The following KCNT1 variants were observed in gnomAD, a reference collection of about 807,000 sequenced individuals.
KCNT1 encodes potassium sodium-activated channel subfamily T member 1.
Under a neutral mutation model 147.8 loss-of-function variants are expected in KCNT1, and 78 were observed. The ratio of observed to expected loss-of-function variants is 0.53; its 90% confidence interval spans 0.44 to 0.64. The LOEUF is 0.64. Ranked by LOEUF, KCNT1 falls within the 30% of genes least tolerant of loss-of-function variation. The pLI, the probability that KCNT1 is intolerant of heterozygous loss-of-function variation, is 0.00. For synonymous variants in KCNT1, 867 were observed against 748.8 expected, an observed-to-expected ratio of 1.16 and a Z score of -2.58; for missense variants, 1,419 against 1,750.3, an observed-to-expected ratio of 0.81 and a Z score of 3.38.
chr9:135,772,167 C>T (rs1039523101), intron 18 of KCNT1, among the ~76,000 whole-genome samples: 2 of 152,206 alleles, frequency 1.3e-5, no homozygotes, highest in African/African-American at 2.4e-5. Flanking sequence ...TTCACCTGCG[C>T]AGTAGGCACT....
intron 1 of KCNT1, among the ~76,000 whole-genome samples, chr9:135,709,915 A>G (rs1835420987): frequency 6.6e-6 from 1 of 152,212 alleles, no homozygotes; most frequent in Admixed American, 6.5e-5. Context: ...TCCTGACCTC[A>G]GGTGATCCAC....
chr9:135,770,158 G>A, intron 16 of KCNT1, 103 bp downstream of exon 16: 4 of 1,373,498 alleles, frequency 2.9e-6, no homozygotes, highest in Non-Finnish European at 3.0e-6. Context: ...CCAGAGGAGG[G>A]GCACATGGCG....
chr9:135,783,984 C>A, intron 24 of KCNT1, 40 bp from the exon 25 acceptor site: 1 of 1,545,452 alleles, frequency 6.5e-7, no homozygotes, highest in Non-Finnish European at 8.9e-7. Flanking sequence ...ACTGGAGGGA[C>A]CTCGGCACCA....
At chr9:135,713,832 A>G (rs568475507) in intron 1 of KCNT1, among the ~76,000 whole-genome samples, 1 of 152,302 alleles carries the variant, frequency 6.6e-6, no homozygotes, top group South Asian at 2.1e-4. Context: ...TGGGCCCCCA[A>G]GAACTGCAGA....
intron 24 of KCNT1, among the ~76,000 whole-genome samples, chr9:135,781,558 C>T (rs1833609849): frequency 6.6e-6 from 1 of 151,900 alleles, no homozygotes; most frequent in Non-Finnish European, 1.5e-5. Context: ...GCTTCAGATC[C>T]TTATTTAAAA....
Position 135,755,027 on chromosome 9 carries a change from A to G in KCNT1, c.492-94A>G, listed in dbSNP as rs34140289. The G allele has an allele frequency of 0.13, 146,995 of 1,136,594 alleles. 10,738 individuals are homozygous for G. Among genetic ancestry groups the G allele is most frequent in the South Asian group, 0.16 (10,002 of 61,922 alleles). The allele number at this position is 1,136,594 out of a possible 1,614,324, so 70.4% of individuals were successfully genotyped here. ...CAATGAGCAGCACATGCTTGGGGCC[A>G]GTGGAGGCCAATGGTTATGGCCCCA... On this transcript the variant is annotated intron_variant, in intron 5 of 30. Transcript: ENST00000371757.
rs1235660804 is a variant in KCNT1, at chr9:135,742,956, G to C, written c.255-7142G>C. 18 of 640,074 alleles carry C rather than the reference G, an allele frequency of 2.8e-5. No homozygotes were observed. The East Asian group carries it at 4.9e-4, about 18-fold the overall frequency. The allele number at this position is 640,074 out of a possible 1,614,324, so 39.6% of individuals were successfully genotyped here. A position where few individuals can be genotyped will look rare whatever the true frequency, so the allele number is the denominator to read the frequency against. On this transcript the variant is annotated intron_variant, in intron 2 of 30. Coordinates refer to ENST00000371757, the MANE Select transcript of KCNT1 (RefSeq NM_020822.3). ...CCACCGGCACCTCCCAGTACCCGCT[G>C]GTGCCTCTGGGTCCCAGGTGCTGGG...
intron 2 of KCNT1, among the ~76,000 whole-genome samples, chr9:135,728,213 A>G (rs1460352279): frequency 6.6e-6 from 1 of 152,186 alleles, no homozygotes; most frequent in African/African-American, 2.4e-5. Context: ...TAGCCTTGTG[A>G]CACTGGACTT....
chr9:135,745,209 C>T lies in KCNT1; in HGVS notation c.255-4889C>T, dbSNP rs569130838. Among the ~76,000 whole-genome samples the T allele has an allele frequency of 1.6e-3, 243 of 152,356 alleles. 1 individual carries two copies. Among genetic ancestry groups the T allele is most frequent in the African/African-American group, 5.7e-3 (236 of 41,594 alleles). ...CAGGAAGTAGATTCTTCTGCCCCGTCCTTGCCTATTGTCCTGGGAGCCTGC... is the reference window on the plus strand; with the variant it reads ...CAGGAAGTAGATTCTTCTGCCCCGTTCTTGCCTATTGTCCTGGGAGCCTGC... On this transcript the variant is annotated intron_variant, in intron 2 of 30. Coordinates refer to ENST00000371757, the MANE Select transcript of KCNT1 (RefSeq NM_020822.3).
At chr9:135,788,001 G>GC in intron 29 of KCNT1, 1 of 861,176 alleles carries the variant, frequency 1.2e-6, no homozygotes, top group Non-Finnish European at 2.0e-6. Flanking sequence ...CCGTGCAGCT[G>GC]CCCCTGCACC....
rs116551459 is a variant in KCNT1, at chr9:135,746,592, G to A, written c.255-3506G>A. Among the ~76,000 whole-genome samples, 909 of 152,352 alleles carry A rather than the reference G, an allele frequency of 6.0e-3. 11 individuals are homozygous for A. Among genetic ancestry groups the A allele is most frequent in the African/African-American group, 0.02 (840 of 41,578 alleles). ...GAGCCCAGGGGGACGCATTGGCTTC[G>A]TGGTCTTGCCAGGCAGCTGCAGAGG... On this transcript the variant is annotated intron_variant, in intron 2 of 30. Coordinates refer to ENST00000371757, the MANE Select transcript of KCNT1 (RefSeq NM_020822.3).
At chr9:135,743,983 T>TCCTG (rs1588296938) in intron 2 of KCNT1, among the ~76,000 whole-genome samples, 2 of 152,308 alleles carry the variant, frequency 1.3e-5, no homozygotes, top group South Asian at 4.1e-4. Context: ...TGCCCTTTCT[T>TCCTG]CCTGCCTGCC....
At chr9:135,773,266 C>T (rs2131524205) in intron 19 of KCNT1, among the ~76,000 whole-genome samples, 1 of 152,270 alleles carries the variant, frequency 6.6e-6, no homozygotes. Flanking sequence ...GGCTGTCAGG[C>T]ACCAGGCAGC....
chr9:135,714,493 C>T lies in KCNT1; in HGVS notation c.111-84C>T. On this transcript the variant is annotated intron_variant, in intron 1 of 30. Transcript: ENST00000371757. This position sits in a 1 kb window ranked among gnomAD's most constrained non-coding sequence, Gnocchi z 6.2. ...CGCGGTGGCCGCGGGCTGCGCTGCGCGGGCCGGGCCTGGCGGGCCGGGGGC... is the reference window on the plus strand; with the variant it reads ...CGCGGTGGCCGCGGGCTGCGCTGCGTGGGCCGGGCCTGGCGGGCCGGGGGC... 1.1e-6 allele frequency: 1 copy of T among 908,414 alleles called. No individual in the cohort carries two copies. Among genetic ancestry groups the T allele is most frequent in the Non-Finnish European group, 1.3e-6 (1 of 763,544 alleles). 56.3% of individuals were successfully genotyped at this position (908,414 alleles called of 1,614,324 possible).
intron 2 of KCNT1, among the ~76,000 whole-genome samples, chr9:135,720,339 C>T (rs1310801435): frequency 6.6e-6 from 1 of 152,026 alleles, no homozygotes; most frequent in Non-Finnish European, 1.5e-5. Flanking sequence ...ACAGCCCTGC[C>T]CTCCGAGCCC....
chr9:135,724,509 C>T (rs1398125318), intron 2 of KCNT1, among the ~76,000 whole-genome samples: 1 of 152,214 alleles, frequency 6.6e-6, no homozygotes, highest in Non-Finnish European at 1.5e-5. Context: ...CCTTCCTCCA[C>T]GTATGCAGGC....
intron 24 of KCNT1, among the ~76,000 whole-genome samples, chr9:135,780,431 C>T (rs778709885): frequency 1.3e-5 from 2 of 152,208 alleles, no homozygotes; most frequent in African/African-American, 2.4e-5. Context: ...CCCTGCGACA[C>T]GGACATGGCT....
chr9:135,765,615 G>C lies in KCNT1; in HGVS notation c.1201-9G>C. 6.2e-7 allele frequency: 1 copy of C among 1,603,674 alleles called. No individual in the cohort carries two copies. The highest frequency in any genetic ancestry group is 8.5e-7 in the Non-Finnish European group (1 of 1,173,752). ...GCTCAGAGGGTCTGACCCTCCGCCT[G>C]GCCGGCAGGACTATTACGTGGTCAT... is the stretch of plus-strand genomic sequence containing the variant. On this transcript the variant is annotated splice_polypyrimidine_tract_variant and intron_variant, in intron 12 of 30. Transcript: ENST00000371757.
intron 10 of KCNT1, 103 bp from the exon 11 acceptor site, chr9:135,759,576 G>T: frequency 2.3e-6 from 3 of 1,293,646 alleles, no homozygotes; most frequent in Non-Finnish European, 3.1e-6. Context: ...GCACAGCTCA[G>T]TCTCCTGGGC....
Sources: allele counts gnomAD v4.1 joint callset (sites outside exome capture counted in the v4.1 genomes callset), GRCh38; gene constraint gnomAD v4.1.1; non-coding constraint Gnocchi (gnomAD v3.1); transcripts MANE v1.5; gene names NCBI Gene and HGNC (gene_info 2026-07-23, HGNC 2026-07-21).